FIGNL2: variants seen among roughly 807,000 people sequenced by gnomAD.
FIGNL2 encodes the protein fidgetin-like protein 2.
For missense variants in FIGNL2, 1,060 were observed against 950.2 expected (o/e 1.12, Z -1.52); for synonymous variants, 565 against 484.0 (o/e 1.17, Z -2.20).
Position 51,821,724 on chromosome 12 carries a change from G to T in FIGNL2, c.690C>A (p.Tyr230Ter). Residue 230 changes from tyrosine to a stop codon, truncating the protein, a stop_gained, in exon 2 of 2, where the codon TAC (tyrosine) becomes TAA (stop). Transcript: ENST00000618634. LOFTEE classifies it low-confidence loss of function (END_TRUNC). ...TGGGCGCGGGCAGGCCCGGGGTCAG[G>T]TAGGGGGCCGGGGGTGGGCCTGGGG... Reference protein sequence around the residue: ...PPPPGPPPAPYLTPGLPAPTP... With the variant: ...PPPPGPPPAP 1 of 1,317,494 alleles carries T rather than the reference G, an allele frequency of 7.6e-7. No homozygotes were observed. The highest frequency in any genetic ancestry group is 9.6e-7 in the Non-Finnish European group (1 of 1,040,274). 81.6% of individuals were successfully genotyped at this position (1,317,494 alleles called of 1,614,324 possible). A position where few individuals can be genotyped will look rare whatever the true frequency, so the allele number is the denominator to read the frequency against.
In FIGNL2 at chr12:51,821,987, G is replaced by A. The variant is rs1939220473; in HGVS notation, c.427C>T (p.Leu143Phe). Residue 143 changes from leucine (L) to phenylalanine (F), a missense_variant, in exon 2 of 2, where the codon CTC (leucine) becomes TTC (phenylalanine). Coordinates refer to ENST00000618634, the MANE Select transcript of FIGNL2 (RefSeq NM_001384995.1). ...CCCCCGCACGCATTGCCGGCGTAGAGGGGTTCAGGGAGGTTCCCGGCTAAA... is the reference window on the plus strand; with the variant it reads ...CCCCCGCACGCATTGCCGGCGTAGAAGGGTTCAGGGAGGTTCCCGGCTAAA... Reference protein sequence around the residue: ...PVLAGNLPEPLYAGNACGGPS... With the variant: ...PVLAGNLPEPFYAGNACGGPS... 6.3e-7 allele frequency: 1 copy of A among 1,578,894 alleles called. No homozygotes were observed. The highest frequency in any genetic ancestry group is 1.3e-5 in the African/African-American group (1 of 74,098).
chr12:51,826,934 A>G (rs967091367), intron 1 of FIGNL2, among the ~76,000 whole-genome samples: 8 of 152,260 alleles, frequency 5.3e-5, no homozygotes, highest in African/African-American at 1.9e-4. Flanking sequence ...GCGCAGCTGC[A>G]GGCACATGTG....
At position 51,821,277 on chromosome 12, in the gene FIGNL2, C is replaced by T. The variant is rs760351854; in HGVS notation, c.1137G>A (p.Thr379=). ...GVDPGALELV[T]SKMVDCGPPV... ...GGGGCCCGCAGTCCACCATCTTGCT[C>T]GTCACCAGCTCCAGGGCCCCAGGGT... is the stretch of plus-strand genomic sequence containing the variant. The change falls in exon 2 of 2, where the codon ACG becomes ACA. Residue 379 remains threonine (T), a synonymous_variant. Coordinates refer to ENST00000618634, the MANE Select transcript of FIGNL2 (RefSeq NM_001384995.1). 7.2e-6 allele frequency: 11 copies of T among 1,524,728 alleles called. No individual in the cohort carries two copies. The Admixed American group carries it at 9.9e-5, about 14-fold the overall frequency. The allele number at this position is 1,524,728 out of a possible 1,614,324, so 94.4% of individuals were successfully genotyped here. A position where few individuals can be genotyped will look rare whatever the true frequency, so the allele number is the denominator to read the frequency against.
At chr12:51,834,887 C>T (rs1939555091) in intron 1 of FIGNL2, among the ~76,000 whole-genome samples, 1 of 152,230 alleles carries the variant, frequency 6.6e-6, no homozygotes, top group South Asian at 2.1e-4. Flanking sequence ...CTCACAATGT[C>T]CCTGCCAGAT....
intron 1 of FIGNL2, chr12:51,847,062 C>T: frequency 1.0e-6 from 1 of 985,350 alleles, no homozygotes; most frequent in Non-Finnish European, 1.2e-6. Flanking sequence ...GCCCGGTACC[C>T]GCGTCCCACA....
rs368627709 is a variant in FIGNL2 at position 51,822,243 on chromosome 12, G to A, written c.171C>T (p.Ser57=). 2 of 1,611,262 alleles carry A rather than the reference G, an allele frequency of 1.2e-6. No individual in the cohort carries two copies. Among genetic ancestry groups the A allele is most frequent in the Non-Finnish European group, 8.5e-7 (1 of 1,178,836 alleles). Residue 57 remains serine, a synonymous_variant, in exon 2 of 2, where the codon TCC becomes TCT. Coordinates refer to ENST00000618634, the MANE Select transcript of FIGNL2 (RefSeq NM_001384995.1). ...TCTCTGCATAGCGCTTTAGGAGGTT[G>A]GAGGCAGTGAGGGCTGAGATGTCGT... ...AHDDISALTA[S]NLLKRYAEKY...
At chr12:51,832,407 T>C (rs1198342822) in intron 1 of FIGNL2, among the ~76,000 whole-genome samples, 2 of 152,094 alleles carry the variant, frequency 1.3e-5, no homozygotes, top group African/African-American at 2.4e-5. Flanking sequence ...TTCTTATTCC[T>C]GTCCTTCCAT....
At chr12:51,832,022 A>C (rs915661676) in intron 1 of FIGNL2, 3 of 151,896 alleles carry the variant, frequency 2.0e-5, no homozygotes, top group African/African-American at 7.3e-5. Context: ...AATTTAATTT[A>C]ATTTATTTAT....
intron 1 of FIGNL2, among the ~76,000 whole-genome samples, chr12:51,846,549 C>T (rs147592668): frequency 1.3e-5 from 2 of 152,286 alleles, no homozygotes; most frequent in African/African-American, 2.4e-5. Context: ...GGCTCTGCGA[C>T]GCCACACTCA....
chr12:51,833,117 G>A (rs940180908), intron 1 of FIGNL2, among the ~76,000 whole-genome samples: 2 of 151,928 alleles, frequency 1.3e-5, no homozygotes, highest in African/African-American at 4.8e-5. Context: ...GCGTGATCAC[G>A]GCTCACTGCA....
intron 1 of FIGNL2, among the ~76,000 whole-genome samples, chr12:51,833,980 A>AATGGATGGATGG (rs1939522632): frequency 6.3e-5 from 3 of 47,426 alleles, no homozygotes; most frequent in Admixed American, 6.4e-4. Context: ...TGGACAGACA[A>AATGGATGGATGG]ATGGACGGAT....
rs1175676012 is a variant in FIGNL2, at chr12:51,821,155, C to A, written c.1259G>T (p.Gly420Val). 1.4e-6 allele frequency: 2 copies of A among 1,471,902 alleles called. No homozygotes were observed. Among genetic ancestry groups the A allele is most frequent in the Admixed American group, 2.6e-5 (1 of 38,600 alleles). The allele number at this position is 1,471,902 out of a possible 1,614,324, so 91.2% of individuals were successfully genotyped here. Residue 420 changes from glycine to valine, a missense_variant, in exon 2 of 2, where the codon GGC (glycine) becomes GTC (valine). Transcript: ENST00000618634. ...GACGGTCCGCGGCGGGCGCAGGCTG[C>A]CCGGGTAGGCGGGCGGCCTGAGCAG... ...WPLLRPPAYP[G>V]SLRPPRTVLL...
In FIGNL2 at chr12:51,821,905, C is replaced by G. The variant is rs1478645444; in HGVS notation, c.509G>C (p.Gly170Ala). ...CGCGGCGCCCGTCTGCGCGCAGTAA[C>G]CCGGCGCCAGGTACCCCCCGCCGTA... ...AGYGGGYLAP[G>A]YCAQTGAALP... Residue 170 changes from glycine to alanine, a missense_variant, in exon 2 of 2, where the codon GGT becomes GCT. Gly to Ala is a moderately conservative substitution (Grantham distance 60). Coordinates refer to ENST00000618634, the MANE Select transcript of FIGNL2 (RefSeq NM_001384995.1). The G allele has an allele frequency of 1.4e-6, 2 of 1,465,472 alleles. No individual in the cohort carries two copies. The highest frequency in any genetic ancestry group is 1.8e-6 in the Non-Finnish European group (2 of 1,113,602). The allele number at this position is 1,465,472 out of a possible 1,614,324, so 90.8% of individuals were successfully genotyped here. A position where few individuals can be genotyped will look rare whatever the true frequency, so the allele number is the denominator to read the frequency against.
chr12:51,821,275 C>T lies in FIGNL2; in HGVS notation c.1139G>A (p.Ser380Asn), dbSNP rs1165532972. The T allele has an allele frequency of 3.3e-6, 5 of 1,524,684 alleles. No individual in the cohort carries two copies. In the East Asian group the frequency reaches 1.0e-4, roughly 31 times the overall value. The allele number at this position is 1,524,684 out of a possible 1,614,324, so 94.4% of individuals were successfully genotyped here. A position where few individuals can be genotyped will look rare whatever the true frequency, so the allele number is the denominator to read the frequency against. The change falls in exon 2 of 2, where the codon AGC becomes AAC. Residue 380 changes from serine to asparagine, a missense_variant. Physicochemically the swap from Ser to Asn is conservative, Grantham distance 46. Transcript: ENST00000618634. The stretch of plus-strand genomic sequence containing the variant: ...CGGGGGCCCGCAGTCCACCATCTTG[C>T]TCGTCACCAGCTCCAGGGCCCCAGG... ...VDPGALELVTSKMVDCGPPVQ... is the reference protein window; with the variant it reads ...VDPGALELVTNKMVDCGPPVQ...
rs754293705 is a variant in FIGNL2, at chr12:51,822,107, C to T, written c.307G>A (p.Glu103Lys). ...KGDPEPWPGP[E>K]PPYPLASLHE... ...AGTGAGGCCAAGGGGTAGGGTGGCTCCGGCCCTGGCCAGGGCTCGGGATCC... is the reference window on the plus strand; with the variant it reads ...AGTGAGGCCAAGGGGTAGGGTGGCTTCGGCCCTGGCCAGGGCTCGGGATCC... The change falls in exon 2 of 2, where the codon GAG (glutamate) becomes AAG (lysine). Residue 103 changes from glutamate (E) to lysine (K), a missense_variant. Transcript: ENST00000618634. The T allele has an allele frequency of 1.2e-6, 2 of 1,610,864 alleles. No individual in the cohort carries two copies. Among genetic ancestry groups the T allele is most frequent in the Admixed American group, 1.7e-5 (1 of 59,668 alleles).
chr12:51,847,510 C>A (rs1414970641), intron 1 of FIGNL2: 3 of 985,350 alleles, frequency 3.0e-6, no homozygotes, highest in African/African-American at 1.7e-5. Context: ...GGGCCGGCAG[C>A]CTGACAGCCC....
Position 51,821,886 on chromosome 12 carries a change from G to A in FIGNL2, c.528C>T (p.Gly176=), listed in dbSNP as rs77899420. ...YLAPGYCAQT[G]AALPPPPPAA... is the part of the protein sequence containing the mutation. ...CCGGGGGCGGCGGGGGCAGCGCGGC[G>A]CCCGTCTGCGCGCAGTAACCCGGCG... is the stretch of plus-strand genomic sequence containing the variant. The change falls in exon 2 of 2, where the codon GGC becomes GGT. Residue 176 remains glycine (G), a synonymous_variant. Coordinates refer to ENST00000618634, the MANE Select transcript of FIGNL2 (RefSeq NM_001384995.1). The A allele has an allele frequency of 5.1e-6, 7 of 1,367,716 alleles. No homozygotes were observed. Among genetic ancestry groups the A allele is most frequent in the South Asian group, 1.8e-5 (1 of 54,306 alleles). 84.7% of individuals were successfully genotyped at this position (1,367,716 alleles called of 1,614,324 possible).
intron 1 of FIGNL2, among the ~76,000 whole-genome samples, chr12:51,827,426 A>G (rs1351615878): frequency 6.6e-6 from 1 of 151,130 alleles, no homozygotes; most frequent in African/African-American, 2.4e-5. Context: ...GGGTTTTGCC[A>G]TATTGGCCAG....
chr12:51,821,672 T>G lies in FIGNL2; in HGVS notation c.742A>C (p.Thr248Pro), dbSNP rs2138970979. Residue 248 changes from threonine (T) to proline (P), a missense_variant, in exon 2 of 2, where the codon ACC (threonine) becomes CCC (proline). Physicochemically the swap from Thr to Pro is conservative, Grantham distance 38 (BLOSUM62 -1). Coordinates refer to ENST00000618634, the MANE Select transcript of FIGNL2 (RefSeq NM_001384995.1). ...GCGGCCGTGGGGAAGCCATAGGCGG[T>G]GGGCGGTGCCGGCGCGGGCAGGGGC... is the stretch of plus-strand genomic sequence containing the variant. ...PTPLPAPAPP[T>P]AYGFPTAAPG... is the part of the protein sequence containing the mutation. 1.5e-6 allele frequency: 2 copies of G among 1,364,342 alleles called. No homozygotes were observed. Among genetic ancestry groups the G allele is most frequent in the Non-Finnish European group, 1.9e-6 (2 of 1,065,458 alleles). The allele number at this position is 1,364,342 out of a possible 1,614,324, so 84.5% of individuals were successfully genotyped here.
Sources: gnomAD v4.1 joint callset for allele counts (sites outside exome capture counted in the v4.1 genomes callset) on GRCh38, gnomAD v4.1.1 for gene constraint, MANE v1.5 for transcripts, NCBI Gene and HGNC (gene_info 2026-07-23, HGNC 2026-07-21) for gene names.